The following TXN2 variants were observed in gnomAD, a reference collection of about 807,000 sequenced individuals.
The protein encoded by TXN2 is thioredoxin 2.
In TXN2, 12 loss-of-function variants were observed where a neutral mutation model predicts 14.6. The ratio of observed to expected loss-of-function variants is 0.82; its 90% CI spans 0.53 to 1.33. The LOEUF is 1.33. TXN2 is among the 40% of genes most tolerant of loss of function. The pLI is 0.00. For missense variants in TXN2, 173 were observed against 207.7 expected (o/e 0.83, Z 1.03); for synonymous variants, 89 against 81.0 (o/e 1.10, Z -0.53).
intron 3 of TXN2, among the ~76,000 whole-genome samples, chr22:36,474,191 G>C (rs79851584): frequency 6.6e-6 from 1 of 152,168 alleles, no homozygotes; most frequent in Non-Finnish European, 1.5e-5. Context: ...TTTTGAAAAA[G>C]TGACTCACCC....
chr22:36,478,133 A>AG (rs1491375553), intron 2 of TXN2, among the ~76,000 whole-genome samples: 1 of 71,142 alleles, frequency 1.4e-5, no homozygotes, highest in East Asian at 2.9e-4. Context: ...ACTCTGTCTC[A>AG]AAAAAAAAAA....
At chr22:36,478,558 C>T (rs751228816) in intron 2 of TXN2, among the ~76,000 whole-genome samples, 26 of 152,106 alleles carry the variant, frequency 1.7e-4, no homozygotes, top group Non-Finnish European at 3.8e-4. Context: ...GGCGCGATCT[C>T]GGCTCACTGC....
At position 36,475,773 on chromosome 22, in the gene TXN2, A is replaced by T. The variant is rs149631857; in HGVS notation, c.387+960T>A. On this transcript the variant is annotated intron_variant, in intron 3 of 3. Transcript: ENST00000216185. ...TCAACACCAAGTAACACTACCTGGC[A>T]CTTGAGGGACTCTCAAATATCTGCT... Among the ~76,000 whole-genome samples, 592 of 152,342 alleles carry T rather than the reference A, an allele frequency of 3.9e-3. 5 individuals are homozygous for T. The highest frequency in any genetic ancestry group is 6.6e-3 in the Non-Finnish European group (452 of 68,034).
chr22:36,477,384 T>G (rs542360127), intron 2 of TXN2, among the ~76,000 whole-genome samples: 3 of 152,222 alleles, frequency 2.0e-5, no homozygotes, highest in South Asian at 2.1e-4. Flanking sequence ...ATTTTTTGTA[T>G]TTTTTAGTAG....
intron 3 of TXN2, among the ~76,000 whole-genome samples, chr22:36,469,859 GGCAGGAGAATC>G (rs1284345664): frequency 6.6e-6 from 1 of 152,172 alleles, no homozygotes; most frequent in African/African-American, 2.4e-5. Context: ...GGGAGGCTGA[GGCAGGAGAATC>G]GCTTGAACCC....
intron 3 of TXN2, among the ~76,000 whole-genome samples, chr22:36,470,794 A>G (rs1420308465): frequency 1.3e-5 from 2 of 151,926 alleles, no homozygotes; most frequent in Admixed American, 6.6e-5. Context: ...AAAAAAAAAA[A>G]AAGAACTCCA....
intron 2 of TXN2, among the ~76,000 whole-genome samples, chr22:36,478,640 C>T (rs373102741): frequency 1.8e-4 from 27 of 152,194 alleles, no homozygotes; most frequent in East Asian, 9.6e-4. Flanking sequence ...TGGTGCACAC[C>T]GCACCCAGCC....
chr22:36,468,312 G>A (rs935966253), intron 3 of TXN2, among the ~76,000 whole-genome samples: 1 of 152,222 alleles, frequency 6.6e-6, no homozygotes, highest in Non-Finnish European at 1.5e-5. Context: ...TCGAGTCCTG[G>A]CTTTGCACTC....
chr22:36,469,043 T>C (rs1474332977), intron 3 of TXN2, among the ~76,000 whole-genome samples: 1 of 142,912 alleles, frequency 7.0e-6, no homozygotes, highest in Non-Finnish European at 1.5e-5. Flanking sequence ...CTCCATCTCA[T>C]AAATAAATAA....
intron 3 of TXN2, among the ~76,000 whole-genome samples, chr22:36,475,904 C>A (rs572910278): frequency 6.6e-6 from 1 of 152,112 alleles, no homozygotes; most frequent in South Asian, 2.1e-4. Context: ...TGGCTCAGCT[C>A]AGAGGTTCTC....
At chr22:36,468,522 C>T (rs1933205889) in intron 3 of TXN2, 2 of 317,014 alleles carry the variant, frequency 6.3e-6, no homozygotes, top group South Asian at 4.7e-5. Context: ...TCAAGAGTTC[C>T]AGACCAGCTT....
intron 3 of TXN2, among the ~76,000 whole-genome samples, chr22:36,469,133 G>C (rs73407701): frequency 0.054 from 8,294 of 152,322 alleles, 741 homozygotes; most frequent in African/African-American, 0.19. Context: ...AGCCAGGTGA[G>C]CTGGGGCACG....
intron 3 of TXN2, among the ~76,000 whole-genome samples, chr22:36,471,986 A>T (rs1340865919): frequency 6.6e-6 from 1 of 152,010 alleles, no homozygotes; most frequent in African/African-American, 2.4e-5. Context: ...AAAAAAAAAA[A>T]AAGCTGGGAT....
intron 3 of TXN2, 60 bp from the exon 4 acceptor site, chr22:36,467,977 C>T: frequency 7.0e-7 from 1 of 1,438,382 alleles, no homozygotes; most frequent in Non-Finnish European, 9.8e-7. Context: ...TCAACTGCCA[C>T]TCCTGAGCCT....
At chr22:36,472,443 G>T (rs1933299793) in intron 3 of TXN2, among the ~76,000 whole-genome samples, 1 of 152,124 alleles carries the variant, frequency 6.6e-6, no homozygotes, top group Non-Finnish European at 1.5e-5. Context: ...GGCTTTGGGG[G>T]ATAATGATGT....
chr22:36,469,784 C>G (rs539556382), intron 3 of TXN2, among the ~76,000 whole-genome samples: 1 of 152,080 alleles, frequency 6.6e-6, no homozygotes, highest in South Asian at 2.1e-4. Context: ...GGTGAAACCC[C>G]GTCTCTACTA....
chr22:36,480,178 C>T (rs554260603), intron 2 of TXN2, among the ~76,000 whole-genome samples: 16 of 152,320 alleles, frequency 1.1e-4, no homozygotes, highest in Non-Finnish European at 2.2e-4. Flanking sequence ...CCACCGCACC[C>T]GGCCGACACT....
Position 36,480,467 on chromosome 22 carries a change from T to C in TXN2, c.263+108A>G, listed in dbSNP as rs1478963519. The stretch of plus-strand genomic sequence containing the variant: ...GGACTGGGCCTGACCAGTCTGTATA[T>C]TGAGTCTACATATGAGCAGCATAGA... On this transcript the variant is annotated intron_variant, in intron 2 of 3. Transcript: ENST00000216185. 44 of 1,432,312 alleles carry C rather than the reference T, an allele frequency of 3.1e-5. No homozygotes were observed. In the East Asian group the frequency reaches 7.1e-4, roughly 23 times the overall value. 88.7% of individuals were successfully genotyped at this position (1,432,312 alleles called of 1,614,324 possible). A position where few individuals can be genotyped will look rare whatever the true frequency, so the allele number is the denominator to read the frequency against.
chr22:36,470,666 G>C (rs970264429), intron 3 of TXN2, among the ~76,000 whole-genome samples: 23 of 152,084 alleles, frequency 1.5e-4, no homozygotes, highest in African/African-American at 5.5e-4. Flanking sequence ...CAAGCACAGT[G>C]GCTCACACCT....
Sources: allele counts gnomAD v4.1 joint callset (sites outside exome capture counted in the v4.1 genomes callset), GRCh38; gene constraint gnomAD v4.1.1; transcripts MANE v1.5; gene names NCBI Gene and HGNC (gene_info 2026-07-23, HGNC 2026-07-21).